DSCAML1: variants seen among roughly 807,000 people sequenced by gnomAD.
The protein encoded by DSCAML1 is cell adhesion molecule DSCAML1.
In DSCAML1, 38 loss-of-function variants were observed where a neutral mutation model predicts 200.5. The ratio of observed to expected loss-of-function variants is 0.19; its 90% CI spans 0.15 to 0.25. The LOEUF (loss-of-function observed/expected upper bound fraction) is 0.25. Ranked by LOEUF, DSCAML1 falls within the 10% of genes least tolerant of loss-of-function variation. DSCAML1 has a pLI of 1.00. For missense variants in DSCAML1, 2,223 were observed against 2,858.8 expected, an observed-to-expected ratio of 0.78 and a Z score of 5.07; for synonymous variants, 1,215 against 1,165.0, an observed-to-expected ratio of 1.04 and a Z score of -0.87.
intron 11 of DSCAML1, among the ~76,000 whole-genome samples, chr11:117,486,249 C>T (rs539323589): frequency 4.9e-5 from 6 of 122,172 alleles, no homozygotes; most frequent in Admixed American, 3.0e-4. Context: ...GGGAAAGTGG[C>T]GGATGGGAAA....
rs771297300 is a variant in DSCAML1 at position 117,444,056 on chromosome 11, A to C, written c.3709-17T>G. On this transcript the variant is annotated splice_polypyrimidine_tract_variant and intron_variant, in intron 20 of 32. Transcript: ENST00000651296. ...GCTGGGAGCCTGCGGGGCAGAGGCA[A>C]AGAGGCTCTAAGAAGCAGAACTGGG... 2 of 1,594,294 alleles carry C rather than the reference A, an allele frequency of 1.3e-6. No homozygotes were observed. The highest frequency in any genetic ancestry group is 1.7e-6 in the Non-Finnish European group (2 of 1,166,348).
intron 3 of DSCAML1, among the ~76,000 whole-genome samples, chr11:117,539,832 A>G (rs1185263112): frequency 1.3e-5 from 2 of 152,206 alleles, no homozygotes; most frequent in Non-Finnish European, 2.9e-5. Context: ...CCAAGTTCAT[A>G]GCAGCGTTAT....
chr11:117,558,695 G>A (rs1026380879), intron 3 of DSCAML1, among the ~76,000 whole-genome samples: 3 of 152,212 alleles, frequency 2.0e-5, no homozygotes, highest in South Asian at 2.1e-4. Flanking sequence ...GCAGACTCGC[G>A]TCTTAAGAGC....
Position 117,516,817 on chromosome 11 carries a change from C to G in DSCAML1, c.1511-78G>C, listed in dbSNP as rs1017937788. On this transcript the variant is annotated intron_variant, in intron 7 of 32. Transcript: ENST00000651296. The surrounding 1 kb of genome is among the most constrained non-coding windows in gnomAD (Gnocchi z 5.7). ...CAGCCAGGGACAGCCAGGCACCACCCTGCGGTGCTCTTCTCAGGCACTCGG... is the reference window on the plus strand; with the variant it reads ...CAGCCAGGGACAGCCAGGCACCACCGTGCGGTGCTCTTCTCAGGCACTCGG... The G allele has an allele frequency of 1.3e-6, 2 of 1,517,936 alleles. No homozygotes were observed. The highest frequency in any genetic ancestry group is 1.8e-6 in the Non-Finnish European group (2 of 1,130,110). The allele number at this position is 1,517,936 out of a possible 1,614,324, so 94.0% of individuals were successfully genotyped here.
At chr11:117,674,289 T>A (rs969895181) in intron 3 of DSCAML1, among the ~76,000 whole-genome samples, 3 of 152,226 alleles carry the variant, frequency 2.0e-5, no homozygotes, top group South Asian at 2.1e-4. Flanking sequence ...CAGCCAGGCC[T>A]GTCTCCAGAC....
intron 16 of DSCAML1, among the ~76,000 whole-genome samples, chr11:117,467,193 A>ACACCCCCCCCCCC (rs1555172719): frequency 2.7e-5 from 3 of 109,508 alleles, no homozygotes; most frequent in African/African-American, 1.3e-4. Context: ...GTGCACACAC[A>ACACCCCCCCCCCC]CCTCCCCCCT....
intron 11 of DSCAML1, among the ~76,000 whole-genome samples, chr11:117,492,025 T>C (rs2049191333): frequency 6.6e-6 from 1 of 152,078 alleles, no homozygotes; most frequent in Non-Finnish European, 1.5e-5. Flanking sequence ...GAGAATCACC[T>C]TGGAAGCTTT....
At position 117,726,269 on chromosome 11, in the gene DSCAML1, G is replaced by GCA. The variant is rs2054129389; in HGVS notation, c.511+50521_511+50522insTG. ...TGTATCTCTGTGTGTGTGTGTGCGT[G>GCA]TGTGTGTGTGTGTGTGTGTGTGTAT... On this transcript the variant is annotated intron_variant, in intron 3 of 32. Transcript: ENST00000651296. Among the ~76,000 whole-genome samples, 5 of 113,118 alleles carry GCA rather than the reference G, an allele frequency of 4.4e-5. No individual in the cohort carries two copies. The Middle Eastern group carries it at 0.014, about 323-fold the overall frequency. 74.2% of individuals were successfully genotyped at this position (113,118 alleles called of 152,430 possible).
intron 3 of DSCAML1, among the ~76,000 whole-genome samples, chr11:117,759,724 TACAGGGAGCAGTGAAAAAAGA>T (rs2054765068): frequency 4.3e-5 from 5 of 115,348 alleles, no homozygotes; most frequent in Non-Finnish European, 9.8e-5. Context: ...CACCCCCAGC[TACAGGGAGCAGTGAAAAAAGA>T]AGGCCTCGCA....
In DSCAML1 at chr11:117,780,161, A is replaced by AG. The variant is rs1565280414; in HGVS notation, c.364+331_364+332insC. The stretch of plus-strand genomic sequence containing the variant: ...AAAGAAAGAGAGAGAGAGAGAGAGA[A>AG]AGAAAGAAAGAAAAAAAGAAAAAAA... On this transcript the variant is annotated intron_variant, in intron 2 of 32. Coordinates refer to ENST00000651296, the MANE Select transcript of DSCAML1 (RefSeq NM_020693.4). The surrounding 1 kb of genome is among the most constrained non-coding windows in gnomAD (Gnocchi z 4.8). Among the ~76,000 whole-genome samples, 12 of 138,450 alleles carry AG rather than the reference A, an allele frequency of 8.7e-5. No homozygotes were observed. The highest frequency in any genetic ancestry group is 6.3e-4 in the East Asian group (3 of 4,774). 90.8% of individuals were successfully genotyped at this position (138,450 alleles called of 152,430 possible).
Position 117,428,044 on chromosome 11 carries a change from TG to T in DSCAML1, c.*283del, listed in dbSNP as rs2047694375. 3.6e-6 allele frequency: 1 copy of T among 281,256 alleles called. No individual in the cohort carries two copies. The highest frequency in any genetic ancestry group is 7.8e-5 in the East Asian group (1 of 12,848). The allele number at this position is 281,256 out of a possible 1,614,324, so 17.4% of individuals were successfully genotyped here. A position where few individuals can be genotyped will look rare whatever the true frequency, so the allele number is the denominator to read the frequency against. On this transcript the variant is annotated 3_prime_UTR_variant, in exon 33 of 33. Transcript: ENST00000651296. ...GATATATAGCTCGTGGACGCGTTCC[TG>T]TCTGTCTATATATGTATATATATCT...
chr11:117,685,599 C>G (rs560393970), intron 3 of DSCAML1, among the ~76,000 whole-genome samples: 75 of 152,260 alleles, frequency 4.9e-4, no homozygotes, highest in Non-Finnish European at 7.1e-4. Flanking sequence ...TACAAATATT[C>G]CAGAAGAACT....
At chr11:117,536,861 CT>C (rs563526745) in intron 3 of DSCAML1, among the ~76,000 whole-genome samples, 103 of 152,318 alleles carry the variant, frequency 6.8e-4, no homozygotes, top group Non-Finnish European at 1.4e-3. Context: ...CCCCTTTTCT[CT>C]GTGATCTCGA....
chr11:117,533,984 C>T (rs1220073986), intron 3 of DSCAML1, among the ~76,000 whole-genome samples: 4 of 152,192 alleles, frequency 2.6e-5, no homozygotes, highest in South Asian at 2.1e-4. Flanking sequence ...AATCAGGATA[C>T]TGATAGTGAC....
intron 3 of DSCAML1, among the ~76,000 whole-genome samples, chr11:117,664,241 C>G (rs1228880670): frequency 6.6e-6 from 1 of 152,252 alleles, no homozygotes; most frequent in Non-Finnish European, 1.5e-5. Flanking sequence ...CGGCGAGGGG[C>G]CGTGGTAGGC....
rs560329633 is a variant in DSCAML1 at position 117,464,846 on chromosome 11, C to T, written c.3265+96G>A. 11 of 1,543,258 alleles carry T rather than the reference C, an allele frequency of 7.1e-6. No homozygotes were observed. In the South Asian group the frequency reaches 1.4e-4, roughly 19 times the overall value. The stretch of plus-strand genomic sequence containing the variant: ...TGGACCACAGGACCAAAATGGGGCC[C>T]AGGGGCAAACAGAGGGACCCACAAA... On this transcript the variant is annotated intron_variant, in intron 17 of 32. Coordinates refer to ENST00000651296, the MANE Select transcript of DSCAML1 (RefSeq NM_020693.4).
chr11:117,784,889 G>A (rs753128181), intron 1 of DSCAML1, among the ~76,000 whole-genome samples: 33 of 152,298 alleles, frequency 2.2e-4, no homozygotes, highest in African/African-American at 7.7e-4. Context: ...TATAATATGC[G>A]AGATAGGGAT....
rs141521833 is a variant in DSCAML1, at chr11:117,649,423, C to T, written c.512-116901G>A. Among the ~76,000 whole-genome samples, 424 of 152,284 alleles carry T rather than the reference C, an allele frequency of 2.8e-3. 1 individual carries two copies. The highest frequency in any genetic ancestry group is 9.9e-3 in the African/African-American group (413 of 41,546). On this transcript the variant is annotated intron_variant, in intron 3 of 32. Transcript: ENST00000651296. ...AGAAAGCCTTTCCCTTAAAATTGGT[C>T]TCTCCAGCCCTGATAAGTTCCCCGT...
intron 3 of DSCAML1, among the ~76,000 whole-genome samples, chr11:117,746,373 C>G (rs933860737): frequency 6.6e-6 from 1 of 152,122 alleles, no homozygotes; most frequent in African/African-American, 2.4e-5. Flanking sequence ...GACCTGAGAC[C>G]TGATGGTAGA....
Sources: allele counts gnomAD v4.1 joint callset (sites outside exome capture counted in the v4.1 genomes callset), GRCh38; gene constraint gnomAD v4.1.1; non-coding constraint Gnocchi (gnomAD v3.1); transcripts MANE v1.5; gene names NCBI Gene and HGNC (gene_info 2026-07-23, HGNC 2026-07-21).